The following F7 variants were observed in gnomAD, a reference collection of about 807,000 sequenced individuals.
F7 encodes the protein coagulation factor VII.
Under a neutral mutation model 47.5 loss-of-function variants are expected in F7, and 38 were observed. The observed-to-expected ratio is 0.80, with a 90% CI of 0.62 to 1.05. F7 has a LOEUF of 1.05. Ranked by LOEUF, F7 falls within the 50% of genes least tolerant of loss-of-function variation. The pLI is 0.00. For synonymous variants in F7, 244 were observed against 258.5 expected (o/e 0.94, Z 0.54); for missense variants, 575 against 605.4 (o/e 0.95, Z 0.53).
intron 2 of F7, among the ~76,000 whole-genome samples, chr13:113,111,887 TCA>T (rs1444189165): frequency 9.0e-6 from 1 of 111,682 alleles, no homozygotes; most frequent in Non-Finnish European, 1.8e-5. Context: ...CACCTCACAC[TCA>T]CAGGACACCT....
At chr13:113,118,294 T>C in intron 7 of F7, 119 bp from the exon 8 acceptor site, 2 of 1,180,880 alleles carry the variant, frequency 1.7e-6, no homozygotes, top group Non-Finnish European at 2.4e-6. Flanking sequence ...CAGGTCCCCT[T>C]GCCCCAGAAG....
In F7 at chr13:113,117,004, CT is replaced by C. The variant is rs111510348; in HGVS notation, c.615+130del. On this transcript the variant is annotated intron_variant, in intron 6 of 7. Transcript: ENST00000346342. ...CCCACCAGGCTCCAAGTCAGCACAC[CT>C]AGCACCTCCAGCTCGCGGCACCCCC... 6.7e-4 allele frequency: 517 copies of C among 774,302 alleles called. 5 individuals are homozygous for C. The African/African-American group carries it at 7.8e-3, about 12-fold the overall frequency. 48.0% of individuals were successfully genotyped at this position (774,302 alleles called of 1,614,324 possible).
chr13:113,117,205 A>G (rs951906888), intron 6 of F7, among the ~76,000 whole-genome samples: 6 of 152,240 alleles, frequency 3.9e-5, no homozygotes, highest in African/African-American at 1.4e-4. Flanking sequence ...GATCAAAGCT[A>G]TGTGAAGATC....
rs1330001431 is a variant in F7, at chr13:113,110,716, G to A, written c.91G>A (p.Gly31Ser). The A allele has an allele frequency of 5.8e-6, 9 of 1,548,704 alleles. No individual in the cohort carries two copies. In the South Asian group the frequency reaches 6.0e-5, roughly 10 times the overall value. ...AVFVTQEEAH[G>S]VLHRRRRANA... is the part of the protein sequence containing the mutation. ...CTTCGTAACCCAGGAGGAAGCCCAC[G>A]GCGTCCTGCACCGGCGCCGGCGCGC... Residue 31 changes from glycine (G) to serine (S), a missense_variant, in exon 2 of 8, where the codon GGC becomes AGC. Coordinates refer to ENST00000346342, the MANE Select transcript of F7 (RefSeq NM_019616.4).
rs150525536 is a variant in F7 at position 113,113,946 on chromosome 13, G to A, written c.350G>A (p.Arg117Gln). ...ICFCLPAFEG[R>Q]NCETHKDDQL... ...TTCTGCCTCCCTGCCTTCGAGGGCC[G>A]GAACTGTGAGACGCGTAAGGCCCCA... The change falls in exon 4 of 8, where the codon CGG becomes CAG. Residue 117 changes from arginine (R) to glutamine (Q), a missense_variant. By Grantham distance (43) the Arg-to-Gln change is conservative. Transcript: ENST00000346342. The surrounding 1 kb of genome is among the most constrained non-coding windows in gnomAD (Gnocchi z 4.1). The A allele has an allele frequency of 3.8e-4, 618 of 1,614,018 alleles. 5 individuals are homozygous for A. The African/African-American group carries it at 4.6e-3, about 12-fold the overall frequency.
At position 113,115,718 on chromosome 13, in the gene F7, T is replaced by C. The variant is rs2036181660; in HGVS notation, c.423T>C (p.Ser141=). The change falls in exon 5 of 8, where the codon AGT becomes AGC. Residue 141 remains serine (S), a synonymous_variant. Coordinates refer to ENST00000346342, the MANE Select transcript of F7 (RefSeq NM_019616.4). The stretch of plus-strand genomic sequence containing the variant: ...ACGGCGGCTGTGAGCAGTACTGCAG[T>C]GACCACACGGGCACCAAGCGCTCCT... The part of the protein sequence containing the change: ...NENGGCEQYC[S]DHTGTKRSCR... 9.9e-6 allele frequency: 16 copies of C among 1,612,992 alleles called. No individual in the cohort carries two copies. The East Asian group carries it at 3.6e-4, about 36-fold the overall frequency.
rs377626907 is a variant in F7, at chr13:113,117,454, C to T, written c.616-19C>T. 6.4e-5 allele frequency: 104 copies of T among 1,613,306 alleles called. No individual in the cohort carries two copies. The highest frequency in any genetic ancestry group is 8.6e-5 in the Non-Finnish European group (102 of 1,179,438). On this transcript the variant is annotated intron_variant, in intron 6 of 7. Transcript: ENST00000346342. ...AATGACAGCAATGTGACTTCCACAC[C>T]TCCTGTCCCCCCGCCCAGGTCCTGT...
intron 4 of F7, among the ~76,000 whole-genome samples, chr13:113,115,294 A>C (rs2036174229): frequency 6.6e-6 from 1 of 152,136 alleles, no homozygotes; most frequent in Non-Finnish European, 1.5e-5. Flanking sequence ...CTCTGATTGG[A>C]AAGTCCCTTG....
chr13:113,115,692 A>G lies in F7; in HGVS notation c.397A>G (p.Asn133Asp). 6.2e-7 allele frequency: 1 copy of G among 1,612,958 alleles called. No individual in the cohort carries two copies. Among genetic ancestry groups the G allele is most frequent in the Non-Finnish European group, 8.5e-7 (1 of 1,179,942 alleles). Reference protein sequence around the residue: ...KDDQLICVNENGGCEQYCSDH... With the variant: ...KDDQLICVNEDGGCEQYCSDH... ...TGACCAGCTGATCTGTGTGAACGAG[A>G]ACGGCGGCTGTGAGCAGTACTGCAG... is the stretch of plus-strand genomic sequence containing the variant. Residue 133 changes from asparagine (N) to aspartate (D), a missense_variant, in exon 5 of 8, where the codon AAC (asparagine) becomes GAC (aspartate). By Grantham distance (23) the Asn-to-Asp change is conservative (BLOSUM62 1). Coordinates refer to ENST00000346342, the MANE Select transcript of F7 (RefSeq NM_019616.4).
chr13:113,118,065 G>A (rs1285816994), intron 7 of F7, among the ~76,000 whole-genome samples: 1 of 152,236 alleles, frequency 6.6e-6, no homozygotes, highest in East Asian at 1.9e-4. Context: ...CAGGGGTTCT[G>A]CTCACTGGGT....
At chr13:113,109,875 A>AGC (rs534269434) in intron 1 of F7, among the ~76,000 whole-genome samples, 2 of 152,294 alleles carry the variant, frequency 1.3e-5, no homozygotes, top group South Asian at 2.1e-4. Context: ...CGTCCTGAAG[A>AGC]GCGGCCTGCT....
intron 2 of F7, among the ~76,000 whole-genome samples, chr13:113,111,420 C>G (rs1230395091): frequency 2.1e-5 from 2 of 95,442 alleles, no homozygotes; most frequent in African/African-American, 5.1e-5. Flanking sequence ...CAGGACACCT[C>G]ACACTCACAG....
In F7 at chr13:113,118,440, G is replaced by A. The variant is rs1163238422; in HGVS notation, c.767G>A (p.Gly256Glu). ...LGEHDLSEHD[G>E]DEQSRRVAQV... is the part of the protein sequence containing the mutation. ...GAGCACGACCTCAGCGAGCACGACGGGGATGAGCAGAGCCGGCGGGTGGCG... is the reference window on the plus strand; with the variant it reads ...GAGCACGACCTCAGCGAGCACGACGAGGATGAGCAGAGCCGGCGGGTGGCG... The change falls in exon 8 of 8, where the codon GGG (glycine) becomes GAG (glutamate). Residue 256 changes from glycine to glutamate, a missense_variant. Transcript: ENST00000346342. 5 of 1,603,840 alleles carry A rather than the reference G, an allele frequency of 3.1e-6. No individual in the cohort carries two copies. The East Asian group carries it at 6.7e-5, about 22-fold the overall frequency.
rs2036150953 is a variant in F7 at position 113,114,028 on chromosome 13, A to G, written c.364+68A>G. ...GGAGCTGGTGGAGGTGGCCTGGCCA[A>G]CCGGGCTGCAGGGTGCACAACCTGG... On this transcript the variant is annotated intron_variant, in intron 4 of 7. Coordinates refer to ENST00000346342, the MANE Select transcript of F7 (RefSeq NM_019616.4). The G allele has an allele frequency of 7.0e-6, 11 of 1,561,354 alleles. No individual in the cohort carries two copies. The South Asian group carries it at 1.1e-4, about 16-fold the overall frequency.
intron 1 of F7, chr13:113,106,825 C>G: frequency 6.3e-7 from 1 of 1,582,420 alleles, no homozygotes; most frequent in Admixed American, 1.8e-5. Context: ...CTTATGACCC[C>G]GGCCACCTTC....
At chr13:113,111,276 C>A (rs1021381907) in intron 2 of F7, among the ~76,000 whole-genome samples, 1 of 152,130 alleles carries the variant, frequency 6.6e-6, no homozygotes, top group African/African-American at 2.4e-5. Context: ...GGGCACGTGT[C>A]GGGGAGAAAC....
chr13:113,106,750 T>TGG, intron 1 of F7: 1 of 1,039,024 alleles, frequency 9.6e-7, no homozygotes, highest in South Asian at 1.4e-5. Context: ...GGATGGCGAG[T>TGG]GGGGGGTGGG....
At chr13:113,117,259 T>C (rs934635443) in intron 6 of F7, among the ~76,000 whole-genome samples, 4 of 152,232 alleles carry the variant, frequency 2.6e-5, no homozygotes, top group African/African-American at 9.6e-5. Context: ...TTTGTATTCT[T>C]GGGCCGTGCC....
At chr13:113,108,791 TGTGGGTGTCCCGGGGGC>T (rs1566905757) in intron 1 of F7, among the ~76,000 whole-genome samples, 4 of 20,772 alleles carry the variant, frequency 1.9e-4, no homozygotes, top group Admixed American at 6.8e-4. Flanking sequence ...GTCCCAGGGG[TGTGGGTGTCCCGGGGGC>T]GTGGGTGTCC....
Sources: allele counts gnomAD v4.1 joint callset (sites outside exome capture counted in the v4.1 genomes callset), GRCh38; gene constraint gnomAD v4.1.1; non-coding constraint Gnocchi (gnomAD v3.1); transcripts MANE v1.5; gene names NCBI Gene and HGNC (gene_info 2026-07-23, HGNC 2026-07-21).